PRMT9: variants seen among roughly 807,000 people sequenced by gnomAD.
PRMT9 encodes the protein protein arginine methyltransferase 9, also known as protein arginine N-methyltransferase 9.
Under a neutral mutation model 83.2 loss-of-function variants are expected in PRMT9, and 59 were observed. That is an observed-to-expected ratio of 0.71 (90% CI 0.57 to 0.88). The LOEUF is 0.88. PRMT9 is among the 40% of genes least tolerant of loss of function. The probability of loss-of-function intolerance (pLI) is 0.00; values close to 1 mark genes in which losing one functional copy is unlikely to be tolerated. For synonymous variants in PRMT9, 333 were observed against 353.2 expected, an observed-to-expected ratio of 0.94 and a Z score of 0.64; for missense variants, 947 against 1,021.9, an observed-to-expected ratio of 0.93 and a Z score of 1.00.
At chr4:147,671,905 G>C (rs2718445) in intron 4 of PRMT9, 1 of 455,872 alleles carries the variant, frequency 2.2e-6, no homozygotes, top group Admixed American at 2.4e-5. Flanking sequence ...AGAAGGAAAG[G>C]CCGTGTAAAG....
At chr4:147,652,853 A>C (rs1734207418) in intron 9 of PRMT9, among the ~76,000 whole-genome samples, 1 of 152,214 alleles carries the variant, frequency 6.6e-6, no homozygotes, top group African/African-American at 2.4e-5. Context: ...CAAATGAGTA[A>C]GTATATTCAT....
chr4:147,653,821 C>A (rs779628896), intron 9 of PRMT9, 31 bp downstream of exon 9: 30 of 1,472,504 alleles, frequency 2.0e-5, no homozygotes, highest in African/African-American at 4.2e-5. Flanking sequence ...AAAAAAAAAA[C>A]AAAGCCAAAA....
rs115417217 is a variant in PRMT9 at position 147,658,497 on chromosome 4, A to C, written c.1147-522T>G. ...AAAATACTAGGACTTTTTCCTTTCT[A>C]TCCTGTATTGCTTGAAAGTCTTAAA... On this transcript the variant is annotated intron_variant, in intron 7 of 11. Transcript: ENST00000322396. 8.5e-3 allele frequency among the ~76,000 whole-genome samples: 1,299 copies of C among 152,322 alleles called. 19 individuals are homozygous for C. Among genetic ancestry groups the C allele is most frequent in the African/African-American group, 0.03 (1,239 of 41,562 alleles).
chr4:147,641,484 T>G (rs1193869231), intron 10 of PRMT9, among the ~76,000 whole-genome samples: 1 of 152,192 alleles, frequency 6.6e-6, no homozygotes, highest in Non-Finnish European at 1.5e-5. Context: ...GGTGTAACCT[T>G]TATAAAATAG....
chr4:147,671,752 C>G, intron 4 of PRMT9: 1 of 429,122 alleles, frequency 2.3e-6, no homozygotes, highest in Non-Finnish European at 4.6e-6. Flanking sequence ...ATCCATAGCT[C>G]CTGGTTCAAA....
At chr4:147,666,530 G>A (rs973025991) in intron 6 of PRMT9, among the ~76,000 whole-genome samples, 2 of 151,908 alleles carry the variant, frequency 1.3e-5, no homozygotes, top group African/African-American at 4.8e-5. Flanking sequence ...AAATTCAAAG[G>A]TCTGTATCTA....
chr4:147,648,915 T>C (rs1163321398), intron 9 of PRMT9, among the ~76,000 whole-genome samples: 2 of 152,164 alleles, frequency 1.3e-5, no homozygotes, highest in African/African-American at 2.4e-5. Flanking sequence ...AAAATGACCA[T>C]TGCCTTGAAA....
rs377219182 is a variant in PRMT9 at position 147,673,049 on chromosome 4, T to C, written c.653A>G (p.Asp218Gly). 2 of 1,613,836 alleles carry C rather than the reference T, an allele frequency of 1.2e-6. No individual in the cohort carries two copies. The highest frequency in any genetic ancestry group is 1.7e-6 in the Non-Finnish European group (2 of 1,179,902). The change falls in exon 4 of 12, where the codon GAT (aspartate) becomes GGT (glycine). Residue 218 changes from aspartate (D) to glycine (G), a missense_variant. Physicochemically the swap from Asp to Gly is moderately conservative, Grantham distance 94. Coordinates refer to ENST00000322396, the MANE Select transcript of PRMT9 (RefSeq NM_138364.4). ...LSKTMYELAC[D>G]VVAANKMEAG... ...TTCCATCTTGTTTGCTGCCACGACA[T>C]CACAGGCAAGTTCATACATGGTCTT...
chr4:147,655,781 A>G (rs1208329276), intron 8 of PRMT9, among the ~76,000 whole-genome samples: 2 of 152,156 alleles, frequency 1.3e-5, no homozygotes, highest in Non-Finnish European at 2.9e-5. Flanking sequence ...CCTCAGCAGG[A>G]GGATACCAAA....
In PRMT9 at chr4:147,654,386, G is replaced by A; in HGVS notation, c.1511C>T (p.Ala504Val). Reference protein sequence around the residue: ...GNEAELCSALANLQTSKPDAV... With the variant: ...GNEAELCSALVNLQTSKPDAV... ...ATCTGGTTTACTGGTCTGAAGGTTAGCGAGGGCACTACAAAGTTCAGCCTC... is the reference window on the plus strand; with the variant it reads ...ATCTGGTTTACTGGTCTGAAGGTTAACGAGGGCACTACAAAGTTCAGCCTC... The change falls in exon 9 of 12, where the codon GCT (alanine) becomes GTT (valine). Residue 504 changes from alanine to valine, a missense_variant. Coordinates refer to ENST00000322396, the MANE Select transcript of PRMT9 (RefSeq NM_138364.4). The A allele has an allele frequency of 1.2e-6, 2 of 1,614,202 alleles. No homozygotes were observed. Among genetic ancestry groups the A allele is most frequent in the African/African-American group, 1.3e-5 (1 of 75,058 alleles).
At chr4:147,661,663 G>T (rs906190674) in intron 6 of PRMT9, among the ~76,000 whole-genome samples, 1 of 151,858 alleles carries the variant, frequency 6.6e-6, no homozygotes, top group African/African-American at 2.4e-5. Context: ...GTTGGCGGGC[G>T]CCTGTAGTTC....
In PRMT9 at chr4:147,667,057, A is replaced by T. The variant is rs547167497; in HGVS notation, c.953+1482T>A. ...ACAAACAATATTAGTGGTCTCCTAA[A>T]GAGGAACTATTGAGGGAAGGGGTCC... On this transcript the variant is annotated intron_variant, in intron 6 of 11. Transcript: ENST00000322396. 5.3e-5 allele frequency among the ~76,000 whole-genome samples: 8 copies of T among 152,308 alleles called. No homozygotes were observed. The East Asian group carries it at 1.5e-3, about 29-fold the overall frequency.
At chr4:147,672,828 C>G (rs954401512) in intron 4 of PRMT9, 131 bp downstream of exon 4, 1 of 576,908 alleles carries the variant, frequency 1.7e-6, no homozygotes, top group African/African-American at 1.9e-5. Context: ...AATAAACTAT[C>G]TTATCCTATA....
At chr4:147,671,187 CTCAGT>C (rs1425163744) in intron 4 of PRMT9, among the ~76,000 whole-genome samples, 1 of 152,190 alleles carries the variant, frequency 6.6e-6, no homozygotes, top group Non-Finnish European at 1.5e-5. Flanking sequence ...AATCCTCTTT[CTCAGT>C]TATCATTTTT....
chr4:147,647,812 C>T (rs1222896318), intron 9 of PRMT9, among the ~76,000 whole-genome samples: 1 of 152,110 alleles, frequency 6.6e-6, no homozygotes, highest in Non-Finnish European at 1.5e-5. Flanking sequence ...CATGAACCCA[C>T]CTAAACTTTC....
intron 9 of PRMT9, among the ~76,000 whole-genome samples, chr4:147,648,159 T>C (rs1163138509): frequency 6.6e-6 from 1 of 152,100 alleles, no homozygotes; most frequent in Non-Finnish European, 1.5e-5. Context: ...GTATCTTCTG[T>C]ATGCTAATGA....
chr4:147,661,955 G>A (rs1046737601), intron 6 of PRMT9, among the ~76,000 whole-genome samples: 6 of 152,042 alleles, frequency 3.9e-5, no homozygotes, highest in African/African-American at 4.8e-5. Context: ...GTACCAATTC[G>A]AGCTGAGCAT....
chr4:147,658,365 G>A (rs1415979680), intron 7 of PRMT9, among the ~76,000 whole-genome samples: 1 of 151,900 alleles, frequency 6.6e-6, no homozygotes, highest in Non-Finnish European at 1.5e-5. Context: ...GAGTGAGAAA[G>A]AGAGAGAGTG....
intron 9 of PRMT9, among the ~76,000 whole-genome samples, chr4:147,650,946 C>CA: frequency 6.6e-6 from 1 of 152,018 alleles, no homozygotes; most frequent in Non-Finnish European, 1.5e-5. Context: ...ATTAAAAATA[C>CA]AAAAAATTAG....
Sources: allele counts gnomAD v4.1 joint callset (sites outside exome capture counted in the v4.1 genomes callset), GRCh38; gene constraint gnomAD v4.1.1; transcripts MANE v1.5; gene names NCBI Gene and HGNC (gene_info 2026-07-23, HGNC 2026-07-21).